SPAG6: variants seen among roughly 807,000 people sequenced by gnomAD.
SPAG6 encodes sperm-associated antigen 6.
In SPAG6, 49 loss-of-function variants were observed where a neutral mutation model predicts 58.5. That is an observed-to-expected ratio of 0.84 (90% CI 0.67 to 1.06). The LOEUF is 1.06. SPAG6 is among the 50% of genes least tolerant of loss of function. The probability of loss-of-function intolerance (pLI) is 0.00; values close to 1 mark genes in which losing one functional copy is unlikely to be tolerated. For synonymous variants in SPAG6, 233 were observed against 225.6 expected, an observed-to-expected ratio of 1.03 and a Z score of -0.29; for missense variants, 560 against 611.3, an observed-to-expected ratio of 0.92 and a Z score of 0.89.
intron 8 of SPAG6, among the ~76,000 whole-genome samples, chr10:22,400,792 A>C (rs1834393243): frequency 1.3e-5 from 2 of 152,122 alleles, no homozygotes; most frequent in South Asian, 4.1e-4. Flanking sequence ...GTATTTGTTG[A>C]TAAGTAGAAA....
intron 4 of SPAG6, among the ~76,000 whole-genome samples, chr10:22,384,065 G>C (rs1053050976): frequency 6.6e-6 from 1 of 152,204 alleles, no homozygotes; most frequent in Non-Finnish European, 1.5e-5. Context: ...TTCAGAGTAA[G>C]GGCAGTTCCA....
Position 22,368,675 on chromosome 10 carries a change from G to A in SPAG6, c.469G>A (p.Ala157Thr). Residue 157 changes from alanine (A) to threonine (T), a missense_variant, in exon 4 of 11, where the codon GCA becomes ACA. Transcript: ENST00000376624. ...WALRYIARHN[A>T]ELSQAVVDAG... ...ACTTAGATATATTGCAAGACATAAT[G>A]CAGGTAATTTAAAATATGCAGGAGC... 6.2e-7 allele frequency: 1 copy of A among 1,607,020 alleles called. No homozygotes were observed. Among genetic ancestry groups the A allele is most frequent in the South Asian group, 1.1e-5 (1 of 90,112 alleles).
In SPAG6 at chr10:22,361,729, A is replaced by G. The variant is rs189389377; in HGVS notation, c.122-3124A>G. Reference sequence around the variant, plus strand: ...TTCCCTTGGGTATATGGAATAGTTAATACCTTTTTGAGTGGGCAAAATATT... The same window carrying G: ...TTCCCTTGGGTATATGGAATAGTTAGTACCTTTTTGAGTGGGCAAAATATT... On this transcript the variant is annotated intron_variant, in intron 2 of 10. Transcript: ENST00000376624. 3.5e-3 allele frequency among the ~76,000 whole-genome samples: 536 copies of G among 152,248 alleles called. 1 individual carries two copies. The highest frequency in any genetic ancestry group is 0.012 in the African/African-American group (513 of 41,564).
intron 9 of SPAG6, 76 bp downstream of exon 9, chr10:22,401,353 G>A (rs889939514): frequency 7.8e-6 from 6 of 770,748 alleles, no homozygotes; most frequent in Non-Finnish European, 1.3e-5. Context: ...TGTTGGGTCA[G>A]TAGCTTTTTC....
chr10:22,410,931 A>G (rs1834715087), intron 9 of SPAG6, 100 bp from the exon 10 acceptor site: 1 of 1,254,262 alleles, frequency 8.0e-7, no homozygotes, highest in Non-Finnish European at 1.1e-6. Context: ...ATTGGGTATA[A>G]ATTCTCTTTT....
intron 8 of SPAG6, among the ~76,000 whole-genome samples, chr10:22,399,532 TTAAG>T (rs1344868067): frequency 1.5e-4 from 23 of 152,366 alleles, no homozygotes; most frequent in Non-Finnish European, 2.2e-4. Context: ...AAAGAAAGTC[TTAAG>T]TAACTAGGAT....
intron 4 of SPAG6, among the ~76,000 whole-genome samples, chr10:22,372,994 C>T (rs1833735888): frequency 6.6e-6 from 1 of 152,176 alleles, no homozygotes; most frequent in Non-Finnish European, 1.5e-5. Context: ...GCATTTTACA[C>T]TGTGAGGGAG....
rs186790478 is a variant in SPAG6, at chr10:22,359,144, T to C, written c.122-5709T>C. ...AAGTTTCTATTATATTATTTCTTAT[T>C]GGACCCCAGAAAGAATGCCTGAGTC... On this transcript the variant is annotated intron_variant, in intron 2 of 10. Coordinates refer to ENST00000376624, the MANE Select transcript of SPAG6 (RefSeq NM_012443.4). Among the ~76,000 whole-genome samples, 438 of 152,322 alleles carry C rather than the reference T, an allele frequency of 2.9e-3. 1 individual carries two copies. The highest frequency in any genetic ancestry group is 4.7e-3 in the Non-Finnish European group (318 of 68,036).
chr10:22,409,882 C>T (rs1280753012), intron 9 of SPAG6, among the ~76,000 whole-genome samples: 2 of 152,118 alleles, frequency 1.3e-5, no homozygotes, highest in Admixed American at 1.3e-4. Flanking sequence ...AAGATCAAAA[C>T]CTGCAACATC....
At chr10:22,414,612 A>G (rs893319713) in intron 10 of SPAG6, among the ~76,000 whole-genome samples, 1 of 152,214 alleles carries the variant, frequency 6.6e-6, no homozygotes, top group African/African-American at 2.4e-5. Flanking sequence ...AGGACTAGAA[A>G]AATGGCTAGT....
chr10:22,411,598 A>G (rs981854785), intron 10 of SPAG6: 1 of 153,138 alleles, frequency 6.5e-6, no homozygotes, highest in Non-Finnish European at 1.5e-5. Context: ...GTTGAGTAAC[A>G]ACAAAAAAGT....
chr10:22,359,769 A>G (rs979718442), intron 2 of SPAG6, among the ~76,000 whole-genome samples: 3 of 152,220 alleles, frequency 2.0e-5, no homozygotes, highest in East Asian at 3.8e-4. Context: ...TTACTATGAC[A>G]TAAGTGGACT....
chr10:22,397,890 T>C (rs915717703), intron 8 of SPAG6, among the ~76,000 whole-genome samples: 5 of 152,062 alleles, frequency 3.3e-5, no homozygotes, highest in Middle Eastern at 3.4e-3. Flanking sequence ...GGCTTTTTTT[T>C]CCCCCAGAAA....
intron 10 of SPAG6, 136 bp from the exon 11 acceptor site, chr10:22,416,483 A>G (rs1345061890): frequency 3.7e-6 from 2 of 544,560 alleles, no homozygotes; most frequent in Non-Finnish European, 6.8e-6. Context: ...ACAAAGCATT[A>G]CTGGAGCATA....
intron 8 of SPAG6, among the ~76,000 whole-genome samples, chr10:22,394,117 G>A (rs1277674637): frequency 6.6e-6 from 1 of 152,116 alleles, no homozygotes; most frequent in Non-Finnish European, 1.5e-5. Context: ...AATTGTAAGA[G>A]TTCTTTGTAT....
chr10:22,352,506 T>G (rs924505164), intron 2 of SPAG6, among the ~76,000 whole-genome samples: 1 of 152,222 alleles, frequency 6.6e-6, no homozygotes, highest in African/African-American at 2.4e-5. Flanking sequence ...ACTTGCATAT[T>G]CAACAAATAT....
intron 2 of SPAG6, among the ~76,000 whole-genome samples, chr10:22,346,439 CTTCTTCT>C (rs1836536680): frequency 7.9e-6 from 1 of 126,094 alleles, no homozygotes; most frequent in Non-Finnish European, 1.6e-5. Flanking sequence ...GGTTCTTCTT[CTTCTTCT>C]TCTTCTTCTT....
chr10:22,360,853 C>CT lies in SPAG6; in HGVS notation c.122-3999dup, dbSNP rs1269717193. The CT allele has an allele frequency of 2.0e-6, 3 of 1,523,544 alleles. No individual in the cohort carries two copies. In the African/African-American group the frequency reaches 4.1e-5, roughly 21 times the overall value. The allele number at this position is 1,523,544 out of a possible 1,614,324, so 94.4% of individuals were successfully genotyped here. A position where few individuals can be genotyped will look rare whatever the true frequency, so the allele number is the denominator to read the frequency against. On this transcript the variant is annotated intron_variant, in intron 2 of 10. Coordinates refer to ENST00000376624, the MANE Select transcript of SPAG6 (RefSeq NM_012443.4). The stretch of plus-strand genomic sequence containing the variant: ...TCACTCACCATGGATCTCTGGATAC[C>CT]TAATGGACAGGCAGGTAAGAAAAAT...
chr10:22,370,088 G>A (rs566402824), intron 4 of SPAG6, among the ~76,000 whole-genome samples: 1 of 152,192 alleles, frequency 6.6e-6, no homozygotes, highest in East Asian at 1.9e-4. Flanking sequence ...AACCTACATG[G>A]TAACATGGAA....
Sources: allele counts gnomAD v4.1 joint callset (sites outside exome capture counted in the v4.1 genomes callset), GRCh38; gene constraint gnomAD v4.1.1; transcripts MANE v1.5; gene names NCBI Gene and HGNC (gene_info 2026-07-23, HGNC 2026-07-21).